CEP89: variants seen among roughly 807,000 people sequenced by gnomAD.
CEP89 encodes the protein centrosomal protein 89, also known as centrosomal protein of 89 kDa.
Under a neutral mutation model 97.6 loss-of-function variants are expected in CEP89, and 95 were observed. The ratio of observed to expected loss-of-function variants is 0.97; its 90% CI spans 0.82 to 1.15. The LOEUF is 1.15. Ranked by LOEUF, CEP89 falls within the 50% of genes most tolerant of loss-of-function variation. The pLI is 0.00. For synonymous variants in CEP89, 354 were observed against 349.1 expected (o/e 1.01, Z -0.16); for missense variants, 869 against 947.7 (o/e 0.92, Z 1.09).
rs76097825 is a variant in CEP89 at position 32,952,352 on chromosome 19, G to A, written c.492+1263C>T. Among the ~76,000 whole-genome samples, 1,029 of 150,158 alleles carry A rather than the reference G, an allele frequency of 6.9e-3. 16 individuals carry two copies. Among genetic ancestry groups the A allele is most frequent in the African/African-American group, 0.023 (960 of 40,930 alleles). The stretch of plus-strand genomic sequence containing the variant: ...AAAAAAAAGCCAGTTGTGGTGCCGC[G>A]TGCCTAAAGCCCCAGCTACTCGGGA... On this transcript the variant is annotated intron_variant, in intron 4 of 18. Transcript: ENST00000305768.
At chr19:32,900,334 C>T (rs1355949267) in intron 15 of CEP89, among the ~76,000 whole-genome samples, 2 of 151,188 alleles carry the variant, frequency 1.3e-5, no homozygotes, top group Non-Finnish European at 2.9e-5. Flanking sequence ...TAACCTCCGC[C>T]TCTCAGGTTC....
chr19:32,879,286 G>A lies in CEP89; in HGVS notation c.2228C>T (p.Thr743Ile). The A allele has an allele frequency of 6.2e-7, 1 of 1,614,276 alleles. No individual in the cohort carries two copies. The highest frequency in any genetic ancestry group is 1.1e-5 in the South Asian group (1 of 91,090). Residue 743 changes from threonine to isoleucine, a missense_variant, in exon 19 of 19, where the codon ACA (threonine) becomes ATA (isoleucine). Transcript: ENST00000305768. Reference protein sequence around the residue: ...RELLQDTLTRTGVQDNPRALV... With the variant: ...RELLQDTLTRIGVQDNPRALV... ...AGCTCTGGGGTTGTCCTGCACGCCT[G>A]TCCTCGTGAGTGTGTCCTGGAGAAG... is the stretch of plus-strand genomic sequence containing the variant.
intron 16 of CEP89, among the ~76,000 whole-genome samples, chr19:32,897,885 C>G (rs1969676948): frequency 6.6e-6 from 1 of 152,118 alleles, no homozygotes; most frequent in South Asian, 2.1e-4. Flanking sequence ...TATTTTATTA[C>G]ACTGATGAGG....
intron 5 of CEP89, among the ~76,000 whole-genome samples, chr19:32,940,885 C>T (rs1970674646): frequency 6.6e-6 from 1 of 152,016 alleles, no homozygotes; most frequent in Admixed American, 6.5e-5. Flanking sequence ...CTCAGCCTCC[C>T]AAGTAGCTGG....
intron 11 of CEP89, among the ~76,000 whole-genome samples, chr19:32,925,639 C>A (rs1481783522): frequency 6.6e-6 from 1 of 151,988 alleles, no homozygotes; most frequent in Admixed American, 6.6e-5. Context: ...CAGGTACGTG[C>A]CACCACACCA....
chr19:32,882,968 C>T (rs928602555), intron 17 of CEP89, among the ~76,000 whole-genome samples: 1 of 152,036 alleles, frequency 6.6e-6, no homozygotes, highest in Non-Finnish European at 1.5e-5. Flanking sequence ...ACATCATTCT[C>T]CTGCCTCAGC....
At chr19:32,912,902 C>T (rs1304178038) in intron 14 of CEP89, among the ~76,000 whole-genome samples, 1 of 151,158 alleles carries the variant, frequency 6.6e-6, no homozygotes, top group East Asian at 1.9e-4. Flanking sequence ...ATTAGCCGGG[C>T]GAGGTGGTGG....
At chr19:32,939,429 C>A (rs1970640453) in intron 6 of CEP89, among the ~76,000 whole-genome samples, 2 of 152,016 alleles carry the variant, frequency 1.3e-5, no homozygotes, top group Non-Finnish European at 1.5e-5. Flanking sequence ...GTAATCCCAG[C>A]ATTTTGGGAG....
chr19:32,883,996 G>A (rs189631775), intron 17 of CEP89, among the ~76,000 whole-genome samples: 90 of 152,260 alleles, frequency 5.9e-4, no homozygotes, highest in African/African-American at 2.1e-3. Context: ...GATGTAGACA[G>A]GATCTCACTA....
chr19:32,910,343 C>G (rs1483235024), intron 14 of CEP89, among the ~76,000 whole-genome samples: 1 of 150,516 alleles, frequency 6.6e-6, no homozygotes, highest in Non-Finnish European at 1.5e-5. Context: ...AATGGTACAC[C>G]TGTACAGGGC....
chr19:32,879,388 A>G lies in CEP89; in HGVS notation c.2136-10T>C, dbSNP rs1969231365. ...TTCACCTTCCATTTCTCTGAGGGAAATAAGTTTAAAATGGCACAATTTTAA... is the reference window on the plus strand; with the variant it reads ...TTCACCTTCCATTTCTCTGAGGGAAGTAAGTTTAAAATGGCACAATTTTAA... On this transcript the variant is annotated splice_polypyrimidine_tract_variant and intron_variant, in intron 18 of 18. Transcript: ENST00000305768. 6.2e-7 allele frequency: 1 copy of G among 1,608,726 alleles called. No individual in the cohort carries two copies. Among genetic ancestry groups the G allele is most frequent in the African/African-American group, 1.3e-5 (1 of 74,940 alleles).
In CEP89 at chr19:32,887,712, C is replaced by T. The variant is rs1969429337; in HGVS notation, c.1965+40G>A. Reference sequence around the variant, plus strand: ...ATCCACAGCAGTGAGCCTGCATTCCCATCTGAAAATGAAATCTCTGAGGCC... The same window carrying T: ...ATCCACAGCAGTGAGCCTGCATTCCTATCTGAAAATGAAATCTCTGAGGCC... On this transcript the variant is annotated intron_variant, in intron 17 of 18. Coordinates refer to ENST00000305768, the MANE Select transcript of CEP89 (RefSeq NM_032816.5). 6 of 1,266,512 alleles carry T rather than the reference C, an allele frequency of 4.7e-6. No individual in the cohort carries two copies. The East Asian group carries it at 1.2e-4, about 24-fold the overall frequency. 78.5% of individuals were successfully genotyped at this position (1,266,512 alleles called of 1,614,324 possible). A position where few individuals can be genotyped will look rare whatever the true frequency, so the allele number is the denominator to read the frequency against.
intron 16 of CEP89, among the ~76,000 whole-genome samples, chr19:32,888,617 A>G (rs1243303842): frequency 6.6e-6 from 1 of 150,700 alleles, no homozygotes; most frequent in African/African-American, 2.4e-5. Flanking sequence ...CAGGAGGCGG[A>G]GGTTGCAGGG....
chr19:32,959,584 G>T (rs1218920870), intron 3 of CEP89, among the ~76,000 whole-genome samples: 1 of 152,226 alleles, frequency 6.6e-6, no homozygotes, highest in African/African-American at 2.4e-5. Context: ...CTAAGGGCTG[G>T]AAGCAGCGCT....
chr19:32,885,221 C>G (rs1969369092), intron 17 of CEP89, among the ~76,000 whole-genome samples: 1 of 152,214 alleles, frequency 6.6e-6, no homozygotes, highest in Non-Finnish European at 1.5e-5. Context: ...ACATACAATT[C>G]TATCAGCCTT....
intron 7 of CEP89, among the ~76,000 whole-genome samples, chr19:32,933,995 T>C (rs1411406149): frequency 2.0e-5 from 3 of 152,202 alleles, no homozygotes; most frequent in African/African-American, 7.2e-5. Flanking sequence ...GAAGAGGCTC[T>C]GCTCTTGGGT....
chr19:32,933,550 T>C lies in CEP89; in HGVS notation c.787A>G (p.Thr263Ala), dbSNP rs1970519815. Residue 263 changes from threonine to alanine, a missense_variant, in exon 8 of 19, where the codon ACA becomes GCA. Physicochemically the swap from Thr to Ala is moderately conservative, Grantham distance 58 (BLOSUM62 0). Coordinates refer to ENST00000305768, the MANE Select transcript of CEP89 (RefSeq NM_032816.5). ...AGTTCTTTCATTGCTTGTTTCATTGTGTTTAGTTCAAGGGTAAGGCTTTGA... is the reference window on the plus strand; with the variant it reads ...AGTTCTTTCATTGCTTGTTTCATTGCGTTTAGTTCAAGGGTAAGGCTTTGA... Reference protein sequence around the residue: ...MNQSLTLELNTMKQAMKELQL... With the variant: ...MNQSLTLELNAMKQAMKELQL... 6.2e-7 allele frequency: 1 copy of C among 1,613,618 alleles called. No homozygotes were observed.
chr19:32,916,205 A>G (rs8104077), intron 13 of CEP89, among the ~76,000 whole-genome samples: 138,677 of 152,172 alleles, frequency 0.91, 63,374 homozygotes, highest in East Asian at 1. Flanking sequence ...TTGAGCCCAG[A>G]AGTTCAGGAC....
intron 9 of CEP89, among the ~76,000 whole-genome samples, chr19:32,927,909 T>C (rs1302819523): frequency 6.7e-6 from 1 of 149,978 alleles, no homozygotes; most frequent in Admixed American, 6.7e-5. Context: ...TTGGCTTTTT[T>C]TTTTTTTTTC....
Sources: allele counts gnomAD v4.1 joint callset (sites outside exome capture counted in the v4.1 genomes callset), GRCh38; gene constraint gnomAD v4.1.1; transcripts MANE v1.5; gene names NCBI Gene and HGNC (gene_info 2026-07-23, HGNC 2026-07-21).